The following EHBP1 variants were observed in gnomAD, a reference collection of about 807,000 sequenced individuals.
EHBP1 encodes the protein EH domain binding protein 1.
Under a neutral mutation model 144.0 loss-of-function variants are expected in EHBP1, and 55 were observed. That is an observed-to-expected ratio of 0.38 (90% confidence interval 0.31 to 0.48). The LOEUF (loss-of-function observed/expected upper bound fraction) is 0.48. Among genes scored for constraint, EHBP1 ranks in the 20% least tolerant of loss-of-function variants. The pLI is 0.98. For synonymous variants in EHBP1, 469 were observed against 472.7 expected, an observed-to-expected ratio of 0.99 and a Z score of 0.10; for missense variants, 1,200 against 1,364.2, an observed-to-expected ratio of 0.88 and a Z score of 1.90.
chr2:62,816,657 T>G (rs1247180488), intron 5 of EHBP1, among the ~76,000 whole-genome samples: 2 of 152,116 alleles, frequency 1.3e-5, no homozygotes, highest in African/African-American at 4.8e-5. Flanking sequence ...GTGGCTTCAG[T>G]TAGGGGATAA....
chr2:62,682,891 C>G (rs912845457), intron 1 of EHBP1, among the ~76,000 whole-genome samples: 1 of 152,132 alleles, frequency 6.6e-6, no homozygotes, highest in Non-Finnish European at 1.5e-5. Context: ...CATCCCAACA[C>G]AGTTATGAAA....
chr2:62,739,879 T>G (rs1175363385), intron 2 of EHBP1, among the ~76,000 whole-genome samples: 1 of 145,262 alleles, frequency 6.9e-6, no homozygotes, highest in Non-Finnish European at 1.5e-5. Context: ...GAGGCTGCAG[T>G]GGGCTATGAT....
chr2:62,999,940 T>C, intron 19 of EHBP1, among the ~76,000 whole-genome samples: 1 of 152,214 alleles, frequency 6.6e-6, no homozygotes, highest in East Asian at 1.9e-4. Context: ...TGTAAGTGTC[T>C]ACAAGCCAGA....
chr2:63,006,852 G>A (rs2060059277), intron 19 of EHBP1, among the ~76,000 whole-genome samples: 1 of 151,508 alleles, frequency 6.6e-6, no homozygotes, highest in African/African-American at 2.4e-5. Flanking sequence ...AGGATCTCCT[G>A]CATACTTAAT....
At chr2:62,980,544 T>C (rs2153198751) in intron 15 of EHBP1, among the ~76,000 whole-genome samples, 1 of 152,308 alleles carries the variant, frequency 6.6e-6, no homozygotes, top group South Asian at 2.1e-4. Flanking sequence ...TTATTTCTTA[T>C]TGTTTCCTTA....
chr2:62,717,574 C>G (rs1156659335), intron 2 of EHBP1, among the ~76,000 whole-genome samples: 2 of 152,164 alleles, frequency 1.3e-5, no homozygotes, highest in Non-Finnish European at 2.9e-5. Flanking sequence ...TTATGTATCA[C>G]TGTTATAGTG....
At chr2:63,043,990 C>CCTCTAGG (rs2061807239) in intron 21 of EHBP1, 1 of 96,494 alleles carries the variant, frequency 1.0e-5, no homozygotes. Context: ...GTCCTGTTTC[C>CCTCTAGG]CTCTAGGTCC....
chr2:62,715,439 G>T (rs2035580645), intron 2 of EHBP1, among the ~76,000 whole-genome samples: 1 of 151,172 alleles, frequency 6.6e-6, no homozygotes, highest in African/African-American at 2.4e-5. Context: ...GCCATTTTAT[G>T]ATGTATTTCT....
intron 5 of EHBP1, among the ~76,000 whole-genome samples, chr2:62,791,039 G>A (rs2043136281): frequency 6.6e-6 from 1 of 151,976 alleles, no homozygotes. Context: ...AGAAAACTTA[G>A]AAATCATAAA....
rs865794822 is a variant in EHBP1, at chr2:62,787,405, C to G, written c.312+16013C>G. Among the ~76,000 whole-genome samples the G allele has an allele frequency of 8.7e-3, 1,097 of 125,486 alleles. 15 individuals carry two copies. The highest frequency in any genetic ancestry group is 0.03 in the African/African-American group (1,021 of 34,378). The allele number at this position is 125,486 out of a possible 152,430, so 82.3% of individuals were successfully genotyped here. On this transcript the variant is annotated intron_variant, in intron 5 of 22. Transcript: ENST00000431489. Reference sequence around the variant, plus strand: ...CACACTGCACCGCTGCCCCCCCCCCCCACCCCCTTGCTCCATTAATGTGTT... The same window carrying G: ...CACACTGCACCGCTGCCCCCCCCCCGCACCCCCTTGCTCCATTAATGTGTT...
chr2:62,839,638 G>A (rs1281417668), intron 7 of EHBP1, among the ~76,000 whole-genome samples: 3 of 149,282 alleles, frequency 2.0e-5, no homozygotes, highest in Non-Finnish European at 4.5e-5. Context: ...AGCAACTTCA[G>A]CAAAGTCTCA....
At chr2:63,010,330 C>T (rs1362128341) in intron 19 of EHBP1, among the ~76,000 whole-genome samples, 1 of 151,342 alleles carries the variant, frequency 6.6e-6, no homozygotes, top group Admixed American at 6.6e-5. Context: ...TCATTCCCTT[C>T]TCTTAATCCA....
chr2:62,835,466 T>A (rs1212621690), intron 7 of EHBP1, among the ~76,000 whole-genome samples: 1 of 152,094 alleles, frequency 6.6e-6, no homozygotes, highest in East Asian at 1.9e-4. Flanking sequence ...TCTACTTACA[T>A]TAAAAATAAA....
chr2:62,760,281 C>G (rs1425183006), intron 3 of EHBP1, among the ~76,000 whole-genome samples: 2 of 152,112 alleles, frequency 1.3e-5, no homozygotes, highest in African/African-American at 4.8e-5. Flanking sequence ...TTTAGCTAGA[C>G]TAATTGATAC....
intron 2 of EHBP1, among the ~76,000 whole-genome samples, chr2:62,709,661 T>C (rs1463365695): frequency 6.6e-6 from 1 of 152,104 alleles, no homozygotes; most frequent in Non-Finnish European, 1.5e-5. Flanking sequence ...ATGGCCATTA[T>C]GGTGTCCCTA....
At chr2:62,717,053 GA>G (rs1281348073) in intron 2 of EHBP1, among the ~76,000 whole-genome samples, 6 of 152,102 alleles carry the variant, frequency 3.9e-5, no homozygotes, top group Non-Finnish European at 7.4e-5. Context: ...CAGGTGTAAG[GA>G]CCATGCCCAG....
chr2:62,771,413 T>C, intron 5 of EHBP1, 21 bp downstream of exon 5: 1 of 1,562,146 alleles, frequency 6.4e-7, no homozygotes, highest in Non-Finnish European at 8.7e-7. Context: ...GGCAAATTCC[T>C]TCACCTTTCA....
At chr2:63,014,417 T>C (rs1028927765) in intron 19 of EHBP1, among the ~76,000 whole-genome samples, 1 of 152,182 alleles carries the variant, frequency 6.6e-6, no homozygotes, top group Non-Finnish European at 1.5e-5. Flanking sequence ...AGTTAGAAAA[T>C]GGCATATTAC....
At chr2:62,832,631 G>C (rs1334088252) in intron 7 of EHBP1, among the ~76,000 whole-genome samples, 1 of 151,768 alleles carries the variant, frequency 6.6e-6, no homozygotes, top group Non-Finnish European at 1.5e-5. Context: ...CTGTTATAGT[G>C]ATCTATGACC....
Sources: gnomAD v4.1 joint callset for allele counts (sites outside exome capture counted in the v4.1 genomes callset) on GRCh38, gnomAD v4.1.1 for gene constraint, MANE v1.5 for transcripts, NCBI Gene and HGNC (gene_info 2026-07-23, HGNC 2026-07-21) for gene names.